Variants in AUTS2 observed in about 807,000 individuals in gnomAD.
The protein encoded by AUTS2 is autism susceptibility gene 2 protein.
AUTS2 carries 17 observed loss-of-function variants against 112.4 expected under a neutral mutation model. That is an observed-to-expected ratio of 0.15 (90% CI 0.10 to 0.23). The LOEUF (loss-of-function observed/expected upper bound fraction) is 0.23, where lower values mean the gene tolerates loss of function less well. AUTS2 is among the 10% of genes least tolerant of loss of function. The pLI, the probability that AUTS2 is intolerant of heterozygous loss-of-function variation, is 1.00. For missense variants in AUTS2, 1,510 were observed against 1,701.6 expected, an observed-to-expected ratio of 0.89 and a Z score of 1.98; for synonymous variants, 751 against 702.7, an observed-to-expected ratio of 1.07 and a Z score of -1.09.
chr7:70,605,546 C>CTCTTTTTTTTTTT (rs1554440368), intron 5 of AUTS2, among the ~76,000 whole-genome samples: 1 of 70,666 alleles, frequency 1.4e-5, no homozygotes, highest in African/African-American at 6.6e-5. Flanking sequence ...CCTTCTTTCT[C>CTCTTTTTTTTTTT]TTTTTTTTTT....
intron 4 of AUTS2, among the ~76,000 whole-genome samples, chr7:70,269,704 T>C (rs1787596047): frequency 6.6e-6 from 1 of 152,230 alleles, no homozygotes; most frequent in African/African-American, 2.4e-5. Flanking sequence ...TAAATATCAG[T>C]TGCTAACAGC....
At chr7:70,282,912 G>A (rs1788287995) in intron 4 of AUTS2, among the ~76,000 whole-genome samples, 1 of 152,126 alleles carries the variant, frequency 6.6e-6, no homozygotes, top group East Asian at 1.9e-4. Flanking sequence ...TACAGGCATT[G>A]CTACCTCTTT....
At chr7:70,018,270 GCTGA>G (rs1342846243) in intron 2 of AUTS2, among the ~76,000 whole-genome samples, 1 of 149,734 alleles carries the variant, frequency 6.7e-6, no homozygotes, top group Non-Finnish European at 1.5e-5. Context: ...TTCTATATTC[GCTGA>G]CTTTTATGTT....
At chr7:69,976,766 T>G (rs1798076200) in intron 2 of AUTS2, among the ~76,000 whole-genome samples, 1 of 152,194 alleles carries the variant, frequency 6.6e-6, no homozygotes, top group African/African-American at 2.4e-5. Context: ...TATTCAAACT[T>G]TTTTTCATTT....
intron 4 of AUTS2, among the ~76,000 whole-genome samples, chr7:70,234,916 G>C (rs747623078): frequency 6.6e-6 from 1 of 152,136 alleles, no homozygotes; most frequent in Non-Finnish European, 1.5e-5. Flanking sequence ...TCCTTAATGA[G>C]ATGGGCTTAT....
At chr7:70,658,102 C>G (rs1563107150) in intron 5 of AUTS2, among the ~76,000 whole-genome samples, 1 of 152,220 alleles carries the variant, frequency 6.6e-6, no homozygotes, top group Non-Finnish European at 1.5e-5. Flanking sequence ...AACAATTGGA[C>G]TATAATGAGA....
chr7:69,751,133 A>G (rs1787721202), intron 1 of AUTS2, among the ~76,000 whole-genome samples: 1 of 152,206 alleles, frequency 6.6e-6, no homozygotes, highest in Non-Finnish European at 1.5e-5. Flanking sequence ...TGAGTTAAGA[A>G]TGATCACCTG....
chr7:70,174,318 A>T (rs1808869357), intron 4 of AUTS2, among the ~76,000 whole-genome samples: 2 of 152,374 alleles, frequency 1.3e-5, no homozygotes, highest in South Asian at 2.1e-4. Flanking sequence ...GAAGCTGCAG[A>T]AGAAAAGCTG....
intron 2 of AUTS2, among the ~76,000 whole-genome samples, chr7:70,006,165 A>T (rs1008356096): frequency 1.3e-5 from 2 of 152,160 alleles, no homozygotes; most frequent in African/African-American, 2.4e-5. Context: ...CTCAAAGTCT[A>T]ATATTAGTTT....
At chr7:69,977,652 TG>T (rs1404539510) in intron 2 of AUTS2, among the ~76,000 whole-genome samples, 12 of 152,174 alleles carry the variant, frequency 7.9e-5, no homozygotes, top group Admixed American at 3.9e-4. Flanking sequence ...GGAGCAGTGT[TG>T]GAAGTCTGGA....
rs1017266927 is a variant in AUTS2, at chr7:69,751,079, C to T, written c.310-148207C>T. On this transcript the variant is annotated intron_variant, in intron 1 of 18. Transcript: ENST00000342771. ...TGTTCATTAAAAATCACCAGGAAAA[C>T]GAAAGTGACTTGCAAGTCCACAAGA... Among the ~76,000 whole-genome samples the T allele has an allele frequency of 4.6e-5, 7 of 152,166 alleles. No individual in the cohort carries two copies. The South Asian group carries it at 8.3e-4, about 18-fold the overall frequency.
chr7:69,762,700 T>C (rs535525733), intron 1 of AUTS2, among the ~76,000 whole-genome samples: 186 of 152,260 alleles, frequency 1.2e-3, no homozygotes, highest in African/African-American at 4.2e-3. Flanking sequence ...GTTATTGTAC[T>C]GGAGAAGAAA....
intron 1 of AUTS2, among the ~76,000 whole-genome samples, chr7:69,791,280 A>G (rs1328105065): frequency 6.6e-6 from 1 of 152,208 alleles, no homozygotes; most frequent in Non-Finnish European, 1.5e-5. Context: ...AGTGACCTCC[A>G]ATAGAGCTGT....
At chr7:70,693,242 T>A (rs1563132001) in intron 5 of AUTS2, among the ~76,000 whole-genome samples, 1 of 152,140 alleles carries the variant, frequency 6.6e-6, no homozygotes, top group Non-Finnish European at 1.5e-5. Flanking sequence ...TTCTGGCCAT[T>A]CAGTCCCCCA....
At chr7:70,618,055 C>T (rs1298756636) in intron 5 of AUTS2, among the ~76,000 whole-genome samples, 5 of 152,192 alleles carry the variant, frequency 3.3e-5, no homozygotes, top group Non-Finnish European at 7.3e-5. Flanking sequence ...GAGGAACCTT[C>T]GAAGGAAACT....
intron 4 of AUTS2, among the ~76,000 whole-genome samples, chr7:70,353,169 C>T (rs1223885701): frequency 6.6e-6 from 1 of 152,162 alleles, no homozygotes; most frequent in Non-Finnish European, 1.5e-5. Flanking sequence ...TCCACCATAG[C>T]CAACAGAGTT....
chr7:70,646,636 G>C lies in AUTS2; in HGVS notation c.691-51933G>C, dbSNP rs137911039. 4.2e-3 allele frequency among the ~76,000 whole-genome samples: 634 copies of C among 152,358 alleles called. 4 individuals are homozygous for C. The highest frequency in any genetic ancestry group is 0.014 in the African/African-American group (599 of 41,588). ...CTTTATGCCCAAGAACACTGCCCTG[G>C]AAGCATCCCCGGAATGACTGAATCA... On this transcript the variant is annotated intron_variant, in intron 5 of 18. Transcript: ENST00000342771.
At chr7:69,613,407 T>C (rs773661941) in intron 1 of AUTS2, among the ~76,000 whole-genome samples, 3 of 152,206 alleles carry the variant, frequency 2.0e-5, no homozygotes, top group Admixed American at 6.5e-5. Context: ...ACATATTCGT[T>C]GTTGTTTTTT....
intron 6 of AUTS2, chr7:70,699,120 T>C (rs1809303375): frequency 6.6e-6 from 1 of 152,334 alleles, no homozygotes; most frequent in Non-Finnish European, 1.5e-5. Flanking sequence ...CCCATTAATT[T>C]CTTCCAAACC....
Sources: gnomAD v4.1 joint callset for allele counts (sites outside exome capture counted in the v4.1 genomes callset) on GRCh38, gnomAD v4.1.1 for gene constraint, MANE v1.5 for transcripts, NCBI Gene and HGNC (gene_info 2026-07-23, HGNC 2026-07-21) for gene names.